Variants in UBR1 observed in about 807,000 individuals in gnomAD.
UBR1 encodes E3 ubiquitin-protein ligase UBR1.
Under a neutral mutation model 242.1 loss-of-function variants are expected in UBR1, and 102 were observed. The ratio of observed to expected loss-of-function variants is 0.42; its 90% CI spans 0.36 to 0.50. The LOEUF is 0.50. Ranked by LOEUF, UBR1 falls within the 20% of genes least tolerant of loss-of-function variation. The pLI is 0.01. For missense variants in UBR1, 1,772 were observed against 2,101.8 expected, an observed-to-expected ratio of 0.84 and a Z score of 3.07; for synonymous variants, 675 against 684.8, an observed-to-expected ratio of 0.99 and a Z score of 0.22.
intron 39 of UBR1, among the ~76,000 whole-genome samples, chr15:42,972,607 G>A (rs150557750): frequency 0.087 from 13,220 of 152,116 alleles, 745 homozygotes; most frequent in East Asian, 0.15. Flanking sequence ...CTGACCTCAG[G>A]TGATCCACCC....
At chr15:43,031,356 T>C (rs947876010) in intron 20 of UBR1, among the ~76,000 whole-genome samples, 1 of 152,046 alleles carries the variant, frequency 6.6e-6, no homozygotes, top group African/African-American at 2.4e-5. Context: ...TATACTACAA[T>C]ATTAGAGATT....
intron 10 of UBR1, 130 bp from the exon 11 acceptor site, chr15:43,056,572 G>A: frequency 4.8e-6 from 3 of 620,514 alleles, no homozygotes; most frequent in Admixed American, 3.0e-5. Context: ...TATTTATTAA[G>A]GCAAGATATT....
chr15:42,972,720 T>C (rs1174358212), intron 39 of UBR1, among the ~76,000 whole-genome samples: 2 of 152,188 alleles, frequency 1.3e-5, no homozygotes, highest in African/African-American at 2.4e-5. Context: ...TCTCTGGATA[T>C]ACTGTAATTT....
At chr15:42,953,445 G>C (rs2031866678) in intron 44 of UBR1, among the ~76,000 whole-genome samples, 1 of 152,144 alleles carries the variant, frequency 6.6e-6, no homozygotes, top group Admixed American at 6.6e-5. Flanking sequence ...CTGATCCCCA[G>C]TTTCTCAGAC....
chr15:42,953,647 AG>A (rs1025559343), intron 44 of UBR1, among the ~76,000 whole-genome samples: 1 of 152,158 alleles, frequency 6.6e-6, no homozygotes, highest in African/African-American at 2.4e-5. Context: ...CATCCTACAG[AG>A]GAAAAGCTGG....
intron 34 of UBR1, among the ~76,000 whole-genome samples, chr15:42,989,384 A>G (rs1400320766): frequency 6.6e-6 from 1 of 152,210 alleles, no homozygotes; most frequent in Non-Finnish European, 1.5e-5. Context: ...AGGTATGTGT[A>G]TGTGTTTGTG....
chr15:43,099,373 C>A (rs1210358216), intron 1 of UBR1, among the ~76,000 whole-genome samples: 1 of 151,958 alleles, frequency 6.6e-6, no homozygotes, highest in Non-Finnish European at 1.5e-5. Context: ...ATTATGGGTA[C>A]ATTTTTCTTT....
intron 12 of UBR1, among the ~76,000 whole-genome samples, chr15:43,050,941 T>C (rs910546368): frequency 9.9e-5 from 15 of 151,578 alleles, no homozygotes; most frequent in African/African-American, 3.4e-4. Context: ...GCTGGGGAGG[T>C]TGCAGGGAAA....
intron 15 of UBR1, 146 bp downstream of exon 15, chr15:43,043,069 G>T (rs2033439574): frequency 1.2e-6 from 1 of 842,028 alleles, no homozygotes; most frequent in Non-Finnish European, 1.9e-6. Flanking sequence ...GCTCCTTGAA[G>T]GACAGTGACA....
intron 46 of UBR1, among the ~76,000 whole-genome samples, chr15:42,946,210 T>C (rs1167939093): frequency 6.6e-6 from 1 of 152,098 alleles, no homozygotes; most frequent in Non-Finnish European, 1.5e-5. Context: ...GGGCAACCTC[T>C]GCCTTCCAGT....
chr15:42,997,796 C>T (rs931372634), intron 33 of UBR1, among the ~76,000 whole-genome samples: 3 of 152,070 alleles, frequency 2.0e-5, no homozygotes, highest in African/African-American at 7.2e-5. Flanking sequence ...TTATTATCCC[C>T]GATTTGCAAA....
intron 1 of UBR1, among the ~76,000 whole-genome samples, chr15:43,093,567 G>A (rs890127310): frequency 2.6e-5 from 4 of 152,072 alleles, no homozygotes; most frequent in African/African-American, 9.7e-5. Flanking sequence ...GATCACTGGA[G>A]CCCAGAAGTT....
At chr15:42,970,280 T>C (rs1197483571) in intron 40 of UBR1, among the ~76,000 whole-genome samples, 1 of 152,184 alleles carries the variant, frequency 6.6e-6, no homozygotes, top group Non-Finnish European at 1.5e-5. Flanking sequence ...TTGGGAAAAC[T>C]GTCTAGCCAT....
At chr15:43,029,669 C>T (rs1403676443) in intron 21 of UBR1, among the ~76,000 whole-genome samples, 1 of 152,156 alleles carries the variant, frequency 6.6e-6, no homozygotes, top group Non-Finnish European at 1.5e-5. Context: ...TCTCAGAAGA[C>T]CCAGATTAAC....
intron 19 of UBR1, 123 bp downstream of exon 19, chr15:43,036,055 T>C (rs916834581): frequency 1.9e-5 from 15 of 798,474 alleles, no homozygotes; most frequent in East Asian, 3.0e-5. Context: ...AATGTGCACA[T>C]GTACCCTAAA....
rs763137824 is a variant in UBR1, at chr15:43,017,201, C to T, written c.2941-20G>A. On this transcript the variant is annotated intron_variant, in intron 27 of 46. Coordinates refer to ENST00000290650, the MANE Select transcript of UBR1 (RefSeq NM_174916.3). ...AAACATCTGTGAAAAACAGATGAAA[C>T]GTTAAAAGAGTTAGTTAGACTGTTA... 17 of 1,578,046 alleles carry T rather than the reference C, an allele frequency of 1.1e-5. No individual in the cohort carries two copies. In the South Asian group the frequency reaches 1.7e-4, roughly 15 times the overall value.
Position 42,960,658 on chromosome 15 carries a change from T to G in UBR1, c.4744A>C (p.Asn1582His), listed in dbSNP as rs145929255. The part of the protein sequence containing the change: ...PALLNCLKQK[N>H]TVVRYPRKRN... ...AGTAAAACCAACCTGACCACGGTGT[T>G]TTTTTGCTTCAAACAGTTTAGTAAG... The change falls in exon 43 of 47, where the codon AAC becomes CAC. Residue 1582 changes from asparagine to histidine, a missense_variant. Transcript: ENST00000290650. The G allele has an allele frequency of 1.9e-6, 3 of 1,613,936 alleles. No homozygotes were observed. Among genetic ancestry groups the G allele is most frequent in the Non-Finnish European group, 2.5e-6 (3 of 1,179,938 alleles).
At chr15:43,090,760 C>A (rs564239629) in intron 1 of UBR1, among the ~76,000 whole-genome samples, 96 of 152,160 alleles carry the variant, frequency 6.3e-4, no homozygotes, top group African/African-American at 2.2e-3. Context: ...GAGTACAAGC[C>A]CCTCACATTT....
intron 12 of UBR1, among the ~76,000 whole-genome samples, chr15:43,052,617 A>G (rs567463451): frequency 6.6e-6 from 1 of 152,372 alleles, no homozygotes; most frequent in Non-Finnish European, 1.5e-5. Flanking sequence ...TATCTGGGAA[A>G]GAAAATACAT....
Sources: allele counts gnomAD v4.1 joint callset (sites outside exome capture counted in the v4.1 genomes callset), GRCh38; gene constraint gnomAD v4.1.1; transcripts MANE v1.5; gene names NCBI Gene and HGNC (gene_info 2026-07-23, HGNC 2026-07-21).